EPS15: variants seen among roughly 807,000 people sequenced by gnomAD.
EPS15 encodes epidermal growth factor receptor pathway substrate 15.
Under a neutral mutation model 113.8 loss-of-function variants are expected in EPS15, and 72 were observed. The observed-to-expected ratio is 0.63, with a 90% CI of 0.52 to 0.77. The LOEUF is 0.77. EPS15 is among the 30% of genes least tolerant of loss of function. The pLI is 0.00. For missense variants in EPS15, 1,048 were observed against 1,045.8 expected (o/e 1.00, Z -0.03); for synonymous variants, 344 against 363.4 (o/e 0.95, Z 0.61).
intron 24 of EPS15, among the ~76,000 whole-genome samples, chr1:51,358,579 C>T (rs1037135846): frequency 6.6e-6 from 1 of 152,022 alleles, no homozygotes; most frequent in Non-Finnish European, 1.5e-5. Flanking sequence ...AATGCTTAAC[C>T]ACATCTTTCA....
intron 20 of EPS15, among the ~76,000 whole-genome samples, chr1:51,395,936 C>T (rs928889402): frequency 6.6e-6 from 1 of 151,972 alleles, no homozygotes. Flanking sequence ...AATAATACTG[C>T]CAGAGCTAAT....
intron 21 of EPS15, among the ~76,000 whole-genome samples, chr1:51,376,438 C>A (rs891297740): frequency 6.6e-6 from 1 of 152,142 alleles, no homozygotes; most frequent in African/African-American, 2.4e-5. Flanking sequence ...CCAAGGCGGG[C>A]AGATCACTTG....
intron 21 of EPS15, among the ~76,000 whole-genome samples, chr1:51,370,648 T>A (rs1646625177): frequency 6.6e-6 from 1 of 151,586 alleles, no homozygotes; most frequent in South Asian, 2.1e-4. Context: ...AAAGACAGAG[T>A]CTCACTCTGT....
chr1:51,484,300 G>A lies in EPS15; in HGVS notation c.34-2986C>T, dbSNP rs575402137. Among the ~76,000 whole-genome samples, 6 of 151,652 alleles carry A rather than the reference G, an allele frequency of 4.0e-5. No individual in the cohort carries two copies. In the South Asian group the frequency reaches 8.4e-4, roughly 21 times the overall value. On this transcript the variant is annotated intron_variant, in intron 1 of 24. Transcript: ENST00000371733. ...TATTGGGCCAGGTGTAGTCGCTCGC[G>A]CCTGTAATCTCAGCACTTTGGGAGG... is the stretch of plus-strand genomic sequence containing the variant.
At chr1:51,445,777 A>G (rs1158128627) in intron 10 of EPS15, among the ~76,000 whole-genome samples, 1 of 152,164 alleles carries the variant, frequency 6.6e-6, no homozygotes, top group African/African-American at 2.4e-5. Flanking sequence ...TTTTCTACTT[A>G]TTTCTTCTTA....
chr1:51,357,376 G>GAAA lies in EPS15; in HGVS notation c.2545-533_2545-531dup, dbSNP rs56655497. On this transcript the variant is annotated intron_variant, in intron 24 of 24. Coordinates refer to ENST00000371733, the MANE Select transcript of EPS15 (RefSeq NM_001981.3). ...TGGGTGACAAAGTGAGATTCCATCT[G>GAAA]AAAAAAAAAAAAAAAATATATATAT... is the stretch of plus-strand genomic sequence containing the variant. Among the ~76,000 whole-genome samples the GAAA allele has an allele frequency of 3.2e-3, 105 of 33,100 alleles. 2 individuals carry two copies. Among genetic ancestry groups the GAAA allele is most frequent in the African/African-American group, 3.9e-3 (20 of 5,158 alleles). 21.7% of individuals were successfully genotyped at this position (33,100 alleles called of 152,430 possible).
intron 8 of EPS15, among the ~76,000 whole-genome samples, chr1:51,449,040 C>T (rs930850267): frequency 1.3e-5 from 2 of 152,098 alleles, no homozygotes; most frequent in Non-Finnish European, 2.9e-5. Flanking sequence ...GGTGATTTCT[C>T]AAAGAACTCA....
At chr1:51,386,365 A>G (rs1472380857) in intron 21 of EPS15, among the ~76,000 whole-genome samples, 2 of 152,220 alleles carry the variant, frequency 1.3e-5, no homozygotes, top group Non-Finnish European at 2.9e-5. Context: ...TGAGCTGGGT[A>G]GTGGTACTTG....
intron 21 of EPS15, among the ~76,000 whole-genome samples, chr1:51,371,229 T>G (rs1317179483): frequency 6.6e-6 from 1 of 152,150 alleles, no homozygotes; most frequent in Non-Finnish European, 1.5e-5. Context: ...GTTATTTTAG[T>G]GTTCACCTTC....
intron 1 of EPS15, among the ~76,000 whole-genome samples, chr1:51,508,833 A>G (rs1644569000): frequency 6.6e-6 from 1 of 152,220 alleles, no homozygotes; most frequent in South Asian, 2.1e-4. Context: ...TATATCCCAC[A>G]ATATGAACTC....
intron 11 of EPS15, among the ~76,000 whole-genome samples, chr1:51,443,583 C>A (rs1405059534): frequency 6.6e-6 from 1 of 152,042 alleles, no homozygotes; most frequent in Non-Finnish European, 1.5e-5. Flanking sequence ...ATAAGTAACT[C>A]TCCATACCTG....
intron 12 of EPS15, among the ~76,000 whole-genome samples, chr1:51,426,233 T>C (rs1228023193): frequency 6.6e-6 from 1 of 151,424 alleles, no homozygotes; most frequent in Non-Finnish European, 1.5e-5. Flanking sequence ...TCTAATGTCT[T>C]TCTACTCATA....
At chr1:51,450,039 T>A (rs953254278) in intron 8 of EPS15, among the ~76,000 whole-genome samples, 1 of 151,784 alleles carries the variant, frequency 6.6e-6, no homozygotes, top group Non-Finnish European at 1.5e-5. Context: ...GCTCTTCTTC[T>A]CTTTCTTACT....
chr1:51,443,633 TTTTCTTTC>T (rs36193708), intron 11 of EPS15, among the ~76,000 whole-genome samples: 62 of 150,566 alleles, frequency 4.1e-4, no homozygotes, highest in East Asian at 2.7e-3. Context: ...AAAAATCCAA[TTTTCTTTC>T]TTTCTTTCTT....
intron 21 of EPS15, among the ~76,000 whole-genome samples, chr1:51,375,453 G>T (rs1232391254): frequency 6.6e-6 from 1 of 152,034 alleles, no homozygotes; most frequent in Non-Finnish European, 1.5e-5. Context: ...CAATCTTTTT[G>T]CCTGGTGGAA....
intron 15 of EPS15, 122 bp from the exon 16 acceptor site, chr1:51,406,230 C>T (rs548283086): frequency 1.3e-6 from 1 of 769,244 alleles, no homozygotes; most frequent in African/African-American, 1.7e-5. Flanking sequence ...AATCTCAACA[C>T]TTTGGGAAAC....
chr1:51,418,472 T>G lies in EPS15; in HGVS notation c.1113+3314A>C, dbSNP rs955985435. On this transcript the variant is annotated intron_variant, in intron 13 of 24. Coordinates refer to ENST00000371733, the MANE Select transcript of EPS15 (RefSeq NM_001981.3). Reference sequence around the variant, plus strand: ...AGTGTGGTATGGGCAAGCAGCAGACTGTACAGGGTTGCTACAAAGATAGGA... The same window carrying G: ...AGTGTGGTATGGGCAAGCAGCAGACGGTACAGGGTTGCTACAAAGATAGGA... Among the ~76,000 whole-genome samples, 10 of 152,000 alleles carry G rather than the reference T, an allele frequency of 6.6e-5. No individual in the cohort carries two copies. The East Asian group carries it at 1.7e-3, about 26-fold the overall frequency.
chr1:51,389,347 C>A (rs907391333), intron 21 of EPS15, among the ~76,000 whole-genome samples: 1 of 152,144 alleles, frequency 6.6e-6, no homozygotes, highest in African/African-American at 2.4e-5. Context: ...CTATGACAAA[C>A]CCACAGCCAA....
chr1:51,386,971 A>C (rs1028781351), intron 21 of EPS15, among the ~76,000 whole-genome samples: 38 of 152,240 alleles, frequency 2.5e-4, no homozygotes, highest in Admixed American at 2.0e-3. Flanking sequence ...ACAGAGAACG[A>C]CACAAAGATA....
Sources: gnomAD v4.1 joint callset for allele counts (sites outside exome capture counted in the v4.1 genomes callset) on GRCh38, gnomAD v4.1.1 for gene constraint, MANE v1.5 for transcripts, NCBI Gene and HGNC (gene_info 2026-07-23, HGNC 2026-07-21) for gene names.